MEP1A: variants seen among roughly 807,000 people sequenced by gnomAD.
MEP1A encodes N-benzoyl-L-tyrosyl-P-amino-benzoic acid hydrolase subunit alpha.
Under a neutral mutation model 84.5 loss-of-function variants are expected in MEP1A, and 68 were observed. The observed-to-expected ratio is 0.80, with a 90% confidence interval of 0.66 to 0.98. The LOEUF is 0.98. MEP1A is among the 50% of genes least tolerant of loss of function. MEP1A has a pLI of 0.00. For synonymous variants in MEP1A, 337 were observed against 336.8 expected, an observed-to-expected ratio of 1.00 and a Z score of -0.01; for missense variants, 887 against 919.9, an observed-to-expected ratio of 0.96 and a Z score of 0.46.
intron 13 of MEP1A, among the ~76,000 whole-genome samples, chr6:46,836,533 A>G (rs1162307185): frequency 3.6e-4 from 55 of 152,240 alleles, no homozygotes; most frequent in Admixed American, 3.6e-3. Context: ...TAATGTTAGC[A>G]TATTACACAA....
chr6:46,822,388 G>A (rs971560491), intron 7 of MEP1A, among the ~76,000 whole-genome samples: 4 of 151,930 alleles, frequency 2.6e-5, no homozygotes, highest in Admixed American at 1.3e-4. Context: ...CACTGTTGGG[G>A]GCACTACCAA....
chr6:46,803,973 G>A (rs1310999534), intron 5 of MEP1A, among the ~76,000 whole-genome samples: 2 of 151,460 alleles, frequency 1.3e-5, no homozygotes, highest in South Asian at 2.1e-4. Flanking sequence ...TACTTTATTG[G>A]TTTATATTTT....
At chr6:46,829,235 A>C in intron 9 of MEP1A, 121 bp from the exon 10 acceptor site, 2 of 755,996 alleles carry the variant, frequency 2.6e-6, no homozygotes, top group Non-Finnish European at 4.5e-6. Context: ...TTTTCCTCCG[A>C]AGAGTTCTAG....
In MEP1A at chr6:46,833,480, C is replaced by T; in HGVS notation, c.1551C>T (p.Val517=). 2 of 1,614,104 alleles carry T rather than the reference C, an allele frequency of 1.2e-6. No individual in the cohort carries two copies. The highest frequency in any genetic ancestry group is 8.5e-7 in the Non-Finnish European group (1 of 1,180,030). The part of the protein sequence containing the change: ...IITILDQEPD[V]RNRMSSSMVF... The stretch of plus-strand genomic sequence containing the variant: ...CCATCCTTGACCAGGAGCCTGATGT[C>T]CGGAACAGGATGTCCTCAAGCATGG... The change falls in exon 11 of 14, where the codon GTC becomes GTT. Residue 517 remains valine (V), a synonymous_variant. Coordinates refer to ENST00000230588, the MANE Select transcript of MEP1A (RefSeq NM_005588.3).
At chr6:46,820,511 G>C (rs2150750029) in intron 7 of MEP1A, among the ~76,000 whole-genome samples, 1 of 152,174 alleles carries the variant, frequency 6.6e-6, no homozygotes, top group Admixed American at 6.5e-5. Context: ...CTGCCTCAGG[G>C]AGGCAGATGG....
At chr6:46,799,874 G>A (rs1325210473) in intron 5 of MEP1A, among the ~76,000 whole-genome samples, 1 of 152,150 alleles carries the variant, frequency 6.6e-6, no homozygotes, top group African/African-American at 2.4e-5. Context: ...ATGTCTGCAA[G>A]GCCCCTCCTG....
chr6:46,833,057 T>C lies in MEP1A; in HGVS notation c.1145-17T>C. On this transcript the variant is annotated splice_polypyrimidine_tract_variant and intron_variant, in intron 10 of 13. Transcript: ENST00000230588. ...GTGTTGGTCACAGTTCTCACCAGCC[T>C]TGTTCTCTGTCCTCAGGAGATGATG... 7.0e-7 allele frequency: 1 copy of C among 1,434,530 alleles called. No homozygotes were observed. The highest frequency in any genetic ancestry group is 9.4e-7 in the Non-Finnish European group (1 of 1,060,514). The allele number at this position is 1,434,530 out of a possible 1,614,324, so 88.9% of individuals were successfully genotyped here.
chr6:46,834,627 T>C lies in MEP1A; in HGVS notation c.1659T>C (p.Tyr553=), dbSNP rs752918127. The part of the protein sequence containing the change: ...IWDRPSRVGT[Y]HTDCNCFRSI... Reference sequence around the variant, plus strand: ...ACAGGCCGTCCAGGGTGGGAACCTATCATACGGACTGTAATTGTTTTAGAA... The same window carrying C: ...ACAGGCCGTCCAGGGTGGGAACCTACCATACGGACTGTAATTGTTTTAGAA... Residue 553 remains tyrosine, a synonymous_variant, in exon 12 of 14, where the codon TAT becomes TAC. Transcript: ENST00000230588. The C allele has an allele frequency of 1.1e-5, 18 of 1,611,378 alleles. No individual in the cohort carries two copies. Among genetic ancestry groups the C allele is most frequent in the Non-Finnish European group, 1.7e-6 (2 of 1,179,486 alleles).
chr6:46,804,933 T>C (rs1270008915), intron 5 of MEP1A, among the ~76,000 whole-genome samples: 11 of 151,926 alleles, frequency 7.2e-5, no homozygotes, highest in Non-Finnish European at 1.6e-4. Context: ...TGGAATCATA[T>C]GTTATATACT....
Position 46,835,544 on chromosome 6 carries a change from C to T in MEP1A, c.2079C>T (p.Ser693=), listed in dbSNP as rs777842058. 1.2e-6 allele frequency: 2 copies of T among 1,609,832 alleles called. No homozygotes were observed. The highest frequency in any genetic ancestry group is 1.7e-6 in the Non-Finnish European group (2 of 1,176,724). Residue 693 remains serine (S), a synonymous_variant, in exon 13 of 14, where the codon AGC becomes AGT. Transcript: ENST00000230588. The stretch of plus-strand genomic sequence containing the variant: ...GTGTGAACGTGAAGGGGATGGCGAG[C>T]TGCAGGTAGGCTCTGTGGCTGGGGA... The part of the protein sequence containing the change: ...GICVNVKGMA[S]CRCISGHAFF...
chr6:46,840,030 C>T (rs1375932285), downstream of MEP1A, among the ~76,000 whole-genome samples: 1 of 142,040 alleles, frequency 7.0e-6, no homozygotes, highest in Non-Finnish European at 1.5e-5. Context: ...CAAGATAGAG[C>T]AAGTGAAAAA....
chr6:46,810,281 ATT>A (rs1378525453), intron 6 of MEP1A, among the ~76,000 whole-genome samples: 1 of 151,928 alleles, frequency 6.6e-6, no homozygotes, highest in Non-Finnish European at 1.5e-5. Flanking sequence ...AGAATTGTCT[ATT>A]CACATTCTTA....
chr6:46,797,061 G>A (rs992003913), intron 3 of MEP1A, among the ~76,000 whole-genome samples: 2 of 152,186 alleles, frequency 1.3e-5, no homozygotes, highest in Admixed American at 6.5e-5. Flanking sequence ...AATGATACAG[G>A]GATAGCCCTA....
At chr6:46,836,069 C>T (rs1299721363) in intron 13 of MEP1A, among the ~76,000 whole-genome samples, 4 of 152,160 alleles carry the variant, frequency 2.6e-5, no homozygotes, top group South Asian at 2.1e-4. Context: ...GCATCTTACA[C>T]GCATGATCTA....
At chr6:46,799,054 AG>A in intron 4 of MEP1A, 51 bp from the exon 5 acceptor site, 1 of 1,162,036 alleles carries the variant, frequency 8.6e-7, no homozygotes, top group Admixed American at 1.7e-5. Flanking sequence ...GAGGAGGTCA[AG>A]GTGACCTTGA....
At chr6:46,801,145 C>T (rs1283591639) in intron 5 of MEP1A, among the ~76,000 whole-genome samples, 5 of 151,986 alleles carry the variant, frequency 3.3e-5, no homozygotes, top group South Asian at 2.1e-4. Flanking sequence ...TTGGTAAATG[C>T]CTAGGAATAT....
At chr6:46,814,330 A>T (rs938633071) in intron 6 of MEP1A, among the ~76,000 whole-genome samples, 1 of 151,956 alleles carries the variant, frequency 6.6e-6, no homozygotes, top group African/African-American at 2.4e-5. Context: ...TGCTTGTTCG[A>T]TTCTATTGCT....
intron 6 of MEP1A, among the ~76,000 whole-genome samples, chr6:46,816,252 C>T (rs116000565): frequency 0.011 from 1,658 of 152,172 alleles, 35 homozygotes; most frequent in African/African-American, 0.038. Flanking sequence ...CCACCGCGCC[C>T]GGCCTCATTC....
chr6:46,812,845 T>A (rs1049019378), intron 6 of MEP1A, among the ~76,000 whole-genome samples: 1 of 152,090 alleles, frequency 6.6e-6, no homozygotes, highest in African/African-American at 2.4e-5. Context: ...GATATAATTT[T>A]GATTTTCTTA....
Sources: gnomAD v4.1 joint callset for allele counts (sites outside exome capture counted in the v4.1 genomes callset) on GRCh38, gnomAD v4.1.1 for gene constraint, MANE v1.5 for transcripts, NCBI Gene and HGNC (gene_info 2026-07-23, HGNC 2026-07-21) for gene names.